The following IQCK variants were observed in gnomAD, a reference collection of about 807,000 sequenced individuals.
IQCK encodes IQ domain-containing protein K.
IQCK carries 29 observed loss-of-function variants against 28.1 expected under a neutral mutation model. The observed-to-expected ratio is 1.03, with a 90% CI of 0.77 to 1.41. The LOEUF is 1.41. Among genes scored for constraint, IQCK ranks in the 40% most tolerant of loss-of-function variants. IQCK has a pLI of 0.00. For missense variants in IQCK, 359 were observed against 314.7 expected, an observed-to-expected ratio of 1.14 and a Z score of -1.07; for synonymous variants, 113 against 115.1, an observed-to-expected ratio of 0.98 and a Z score of 0.12.
At chr16:19,726,961 CT>C (rs1471274652) in intron 1 of IQCK, among the ~76,000 whole-genome samples, 3 of 152,012 alleles carry the variant, frequency 2.0e-5, no homozygotes, top group African/African-American at 7.2e-5. Context: ...TGATGAAACC[CT>C]GTCTCTAAAA....
At chr16:19,740,453 C>T (rs2151689665) in intron 4 of IQCK, among the ~76,000 whole-genome samples, 1 of 152,228 alleles carries the variant, frequency 6.6e-6, no homozygotes, top group East Asian at 1.9e-4. Flanking sequence ...AGCCTGGCCA[C>T]ACCATTGTCA....
intron 2 of IQCK, among the ~76,000 whole-genome samples, chr16:19,733,100 C>T (rs1261579588): frequency 2.0e-5 from 3 of 152,058 alleles, no homozygotes; most frequent in African/African-American, 7.2e-5. Flanking sequence ...GGGCAGCTTC[C>T]TCCTGTGACT....
intron 2 of IQCK, among the ~76,000 whole-genome samples, chr16:19,733,002 C>T (rs759671944): frequency 3.9e-5 from 6 of 152,216 alleles, no homozygotes; most frequent in Non-Finnish European, 7.3e-5. Flanking sequence ...TATATCATTC[C>T]ATTCTTGTTC....
intron 6 of IQCK, among the ~76,000 whole-genome samples, chr16:19,771,148 G>A (rs2151717888): frequency 6.6e-6 from 1 of 152,336 alleles, no homozygotes; most frequent in Middle Eastern, 3.4e-3. Flanking sequence ...CTGAACTGCA[G>A]TGGCACAATC....
At chr16:19,812,619 A>G (rs1448106679) in intron 7 of IQCK, among the ~76,000 whole-genome samples, 1 of 152,202 alleles carries the variant, frequency 6.6e-6, no homozygotes, top group Non-Finnish European at 1.5e-5. Flanking sequence ...GATAAGAGAT[A>G]TGATTTCAGA....
At chr16:19,724,294 G>C (rs1294229791) in intron 1 of IQCK, among the ~76,000 whole-genome samples, 1 of 152,040 alleles carries the variant, frequency 6.6e-6, no homozygotes, top group Non-Finnish European at 1.5e-5. Flanking sequence ...TGTGGTTGAA[G>C]CCCTCTACAG....
chr16:19,745,747 C>A (rs1463036637), intron 4 of IQCK, among the ~76,000 whole-genome samples: 1 of 152,182 alleles, frequency 6.6e-6, no homozygotes, highest in Non-Finnish European at 1.5e-5. Context: ...GGTGCTCTCT[C>A]CTGGGGTCAC....
chr16:19,793,650 T>TTTG (rs1555519628), intron 7 of IQCK, among the ~76,000 whole-genome samples: 4 of 121,724 alleles, frequency 3.3e-5, no homozygotes, highest in African/African-American at 1.5e-4. Context: ...TGGGTTTTTT[T>TTTG]TTTTTTTTTT....
chr16:19,811,578 C>G (rs1275601954), intron 7 of IQCK, among the ~76,000 whole-genome samples: 1 of 152,128 alleles, frequency 6.6e-6, no homozygotes, highest in Non-Finnish European at 1.5e-5. Context: ...ATATCTGGCA[C>G]TGCAAAGACG....
At chr16:19,801,016 C>CA (rs1278076797) in intron 7 of IQCK, among the ~76,000 whole-genome samples, 5 of 131,730 alleles carry the variant, frequency 3.8e-5, no homozygotes, top group Admixed American at 7.2e-5. Context: ...TGTAAATATG[C>CA]AAAAAAAATT....
intron 4 of IQCK, among the ~76,000 whole-genome samples, chr16:19,739,143 A>G (rs2054798435): frequency 6.6e-6 from 1 of 152,182 alleles, no homozygotes; most frequent in African/African-American, 2.4e-5. Flanking sequence ...TAGCCCTTGC[A>G]GGTGGAACTG....
chr16:19,720,481 C>T (rs1031164178), intron 1 of IQCK, among the ~76,000 whole-genome samples: 2 of 152,186 alleles, frequency 1.3e-5, no homozygotes, highest in African/African-American at 2.4e-5. Context: ...GTTGTGCCTA[C>T]CTCACAGGGC....
intron 7 of IQCK, among the ~76,000 whole-genome samples, chr16:19,804,282 T>A (rs1456825177): frequency 6.6e-6 from 1 of 151,796 alleles, no homozygotes; most frequent in Non-Finnish European, 1.5e-5. Context: ...AGACAGAGGT[T>A]GCAGTGAGTT....
exon 10 of IQCK, chr16:19,856,616 A>T: frequency 8.0e-7 from 1 of 1,246,130 alleles, no homozygotes; most frequent in Non-Finnish European, 1.2e-6. Context: ...TGTCCAAATG[A>T]TGCTCTCTCT....
At chr16:19,727,236 T>C (rs541927695) in intron 1 of IQCK, among the ~76,000 whole-genome samples, 31 of 152,244 alleles carry the variant, frequency 2.0e-4, no homozygotes, top group Admixed American at 3.9e-4. Flanking sequence ...GACACAGTGT[T>C]ATGTGGTTCT....
chr16:19,848,522 G>T (rs1006486972), intron 9 of IQCK, among the ~76,000 whole-genome samples: 1 of 152,142 alleles, frequency 6.6e-6, no homozygotes, highest in African/African-American at 2.4e-5. Flanking sequence ...GATGCTAAAT[G>T]AACTACTTAG....
At chr16:19,829,361 G>A (rs1166235692), downstream of IQCK, among the ~76,000 whole-genome samples, 1 of 148,862 alleles carries the variant, frequency 6.7e-6, no homozygotes, top group African/African-American at 2.5e-5. Flanking sequence ...TTCTGAGACA[G>A]AGTCTCGCTC....
chr16:19,767,420 A>T (rs2055254991), intron 6 of IQCK, among the ~76,000 whole-genome samples: 1 of 152,136 alleles, frequency 6.6e-6, no homozygotes, highest in African/African-American at 2.4e-5. Context: ...CCAGAAGGGC[A>T]CCATGGTTTT....
At chr16:19,852,352 G>T (rs139282205) in intron 9 of IQCK, among the ~76,000 whole-genome samples, 1 of 152,216 alleles carries the variant, frequency 6.6e-6, no homozygotes, top group Non-Finnish European at 1.5e-5. Flanking sequence ...AGGGAGCTAT[G>T]ATCGCACCAC....
Sources: allele counts gnomAD v4.1 joint callset (sites outside exome capture counted in the v4.1 genomes callset), GRCh38; gene constraint gnomAD v4.1.1; transcripts MANE v1.5; gene names NCBI Gene and HGNC (gene_info 2026-07-23, HGNC 2026-07-21).